Variants in THEMIS2 observed in about 807,000 individuals in gnomAD.
THEMIS2 encodes the protein protein THEMIS2.
Under a neutral mutation model 46.8 loss-of-function variants are expected in THEMIS2, and 29 were observed. That is an observed-to-expected ratio of 0.62 (90% CI 0.46 to 0.84). The LOEUF is 0.84. THEMIS2 is among the 40% of genes least tolerant of loss of function. The pLI is 0.00. For synonymous variants in THEMIS2, 335 were observed against 349.1 expected (o/e 0.96, Z 0.45); for missense variants, 698 against 834.7 (o/e 0.84, Z 2.02).
chr1:27,877,519 A>G (rs201385215), intron 2 of THEMIS2, among the ~76,000 whole-genome samples: 9 of 151,876 alleles, frequency 5.9e-5, no homozygotes, highest in East Asian at 1.9e-4. Flanking sequence ...AGTAGAGACA[A>G]AGTTTCACCG....
chr1:27,876,867 C>T (rs929537155), intron 2 of THEMIS2, 139 bp downstream of exon 2: 24 of 1,095,748 alleles, frequency 2.2e-5, no homozygotes, highest in Non-Finnish European at 2.6e-5. Context: ...TCACCACAAC[C>T]CAGCCTCAAG....
intron 3 of THEMIS2, among the ~76,000 whole-genome samples, chr1:27,880,345 C>T (rs773736939): frequency 7.2e-5 from 11 of 152,022 alleles, no homozygotes; most frequent in Non-Finnish European, 1.6e-4. Flanking sequence ...CCACCATGCC[C>T]GGCTAATTTT....
At chr1:27,878,254 G>A (rs974118240) in intron 2 of THEMIS2, among the ~76,000 whole-genome samples, 1 of 151,658 alleles carries the variant, frequency 6.6e-6, no homozygotes, top group African/African-American at 2.4e-5. Flanking sequence ...AGTTGTGTGG[G>A]GAGCCGCAGG....
intron 2 of THEMIS2, among the ~76,000 whole-genome samples, chr1:27,878,783 G>A (rs753506859): frequency 2.6e-5 from 4 of 152,130 alleles, no homozygotes; most frequent in Non-Finnish European, 4.4e-5. Flanking sequence ...TCCATGGGCT[G>A]TATTTGAATT....
intron 3 of THEMIS2, among the ~76,000 whole-genome samples, chr1:27,881,750 T>C (rs2089681681): frequency 1.3e-5 from 2 of 151,408 alleles, no homozygotes; most frequent in Admixed American, 6.6e-5. Context: ...ACTGCTTGAA[T>C]CTGGGAGGTG....
intron 1 of THEMIS2, among the ~76,000 whole-genome samples, chr1:27,875,763 T>C (rs952926782): frequency 7.2e-5 from 11 of 152,208 alleles, no homozygotes; most frequent in South Asian, 4.1e-4. Context: ...TGAAGTGGCG[T>C]GATCTCGGCT....
intron 5 of THEMIS2, among the ~76,000 whole-genome samples, 184 bp downstream of exon 5, chr1:27,885,635 G>A (rs1273329836): frequency 6.6e-6 from 1 of 152,166 alleles, no homozygotes; most frequent in African/African-American, 2.4e-5. Flanking sequence ...GGGCTCTAGG[G>A]CTTTGGCAAG....
intron 3 of THEMIS2, among the ~76,000 whole-genome samples, chr1:27,880,927 G>A (rs142180402): frequency 0.034 from 5,092 of 151,552 alleles, 281 homozygotes; most frequent in African/African-American, 0.11. Flanking sequence ...ATAGGCGCCC[G>A]CCACCATGCC....
At chr1:27,879,566 T>TG in intron 2 of THEMIS2, 78 bp from the exon 3 acceptor site, 2 of 1,297,398 alleles carry the variant, frequency 1.5e-6, no homozygotes. Flanking sequence ...AGGGCCAGAC[T>TG]GGGGTCTGGA....
At chr1:27,878,674 C>T (rs1200247190) in intron 2 of THEMIS2, among the ~76,000 whole-genome samples, 1 of 151,736 alleles carries the variant, frequency 6.6e-6, no homozygotes, top group Non-Finnish European at 1.5e-5. Context: ...ATATATTACC[C>T]CTAAATATTA....
At chr1:27,880,149 C>T in intron 3 of THEMIS2, 95 bp downstream of exon 3, 1 of 1,365,562 alleles carries the variant, frequency 7.3e-7, no homozygotes, top group Non-Finnish European at 9.8e-7. Flanking sequence ...CCACCCCATC[C>T]CTGAGGATCA....
chr1:27,884,060 G>A (rs942051471), intron 4 of THEMIS2: 1 of 152,290 alleles, frequency 6.6e-6, no homozygotes, highest in Non-Finnish European at 1.5e-5. Context: ...GATATCCTCT[G>A]CAGCTGCTTT....
chr1:27,879,493 G>C, intron 2 of THEMIS2, 151 bp from the exon 3 acceptor site: 1 of 679,876 alleles, frequency 1.5e-6, no homozygotes, highest in Non-Finnish European at 2.5e-6. Flanking sequence ...CTGCAGCCCA[G>C]ATGTCCAGAT....
chr1:27,879,280 G>C (rs2089637317), intron 2 of THEMIS2, among the ~76,000 whole-genome samples: 2 of 152,134 alleles, frequency 1.3e-5, no homozygotes, highest in Non-Finnish European at 2.9e-5. Context: ...CCTGTGGAGA[G>C]GCATCTGGAG....
intron 4 of THEMIS2, 32 bp downstream of exon 4, chr1:27,883,075 G>T: frequency 6.4e-7 from 1 of 1,557,858 alleles, no homozygotes; most frequent in Non-Finnish European, 8.8e-7. Context: ...GCACGGAGGG[G>T]TCACCTATTG....
chr1:27,885,164 A>C (rs1440825467), intron 4 of THEMIS2, 131 bp from the exon 5 acceptor site: 1 of 928,860 alleles, frequency 1.1e-6, no homozygotes, highest in Non-Finnish European at 1.6e-6. Flanking sequence ...AGGGGTCTTG[A>C]GAGGTCATAG....
At chr1:27,880,495 T>C (rs2148638825) in intron 3 of THEMIS2, among the ~76,000 whole-genome samples, 2 of 152,250 alleles carry the variant, frequency 1.3e-5, no homozygotes, top group South Asian at 4.1e-4. Context: ...CAGTTATTCT[T>C]ATTGATGCTC....
chr1:27,881,150 A>AT (rs2089671676), intron 3 of THEMIS2, among the ~76,000 whole-genome samples: 2 of 151,532 alleles, frequency 1.3e-5, no homozygotes, highest in Admixed American at 6.6e-5. Flanking sequence ...AAAAATAGTA[A>AT]TTTTTTTAAG....
chr1:27,882,554 C>A lies in THEMIS2; in HGVS notation c.1230C>A (p.Cys410Ter), dbSNP rs1174585377. The change falls in exon 4 of 6, where the codon TGC (cysteine) becomes TGA (stop). Residue 410 changes from cysteine to a stop codon, truncating the protein, a stop_gained. Transcript: ENST00000373921. LOFTEE classifies it high-confidence loss of function. This position sits in a 1 kb window ranked among gnomAD's most constrained non-coding sequence, Gnocchi z 7.6. The part of the protein sequence containing the change: ...DQAGEDEEEE[C>*]KEEAESPERV... ...CTGGGGAGGATGAGGAGGAAGAGTG[C>A]AAAGAGGAGGCAGAGAGCCCAGAGC... The A allele has an allele frequency of 6.2e-7, 1 of 1,614,004 alleles. No homozygotes were observed. Among genetic ancestry groups the A allele is most frequent in the Non-Finnish European group, 8.5e-7 (1 of 1,180,016 alleles).
Sources: allele counts gnomAD v4.1 joint callset (sites outside exome capture counted in the v4.1 genomes callset), GRCh38; gene constraint gnomAD v4.1.1; non-coding constraint Gnocchi (gnomAD v3.1); transcripts MANE v1.5; gene names NCBI Gene and HGNC (gene_info 2026-07-23, HGNC 2026-07-21).